Variants in NARS2 observed in about 807,000 individuals in gnomAD.
NARS2 encodes the protein asparaginyl-tRNA synthetase.
NARS2 carries 60 observed loss-of-function variants against 62.9 expected under a neutral mutation model. The observed-to-expected ratio is 0.95, with a 90% CI of 0.77 to 1.18. The LOEUF is 1.18. NARS2 is among the 50% of genes most tolerant of loss of function. NARS2 has a pLI of 0.00. For synonymous variants in NARS2, 196 were observed against 200.0 expected, an observed-to-expected ratio of 0.98 and a Z score of 0.17; for missense variants, 619 against 576.4, an observed-to-expected ratio of 1.07 and a Z score of -0.76.
At chr11:78,515,291 T>C (rs1359214858) in intron 6 of NARS2, among the ~76,000 whole-genome samples, 1 of 152,102 alleles carries the variant, frequency 6.6e-6, no homozygotes, top group Non-Finnish European at 1.5e-5. Flanking sequence ...CTCTAAAGCA[T>C]TGGTTCTCAG....
chr11:78,460,107 T>C (rs1208916216), intron 11 of NARS2, among the ~76,000 whole-genome samples: 2 of 151,988 alleles, frequency 1.3e-5, no homozygotes, highest in South Asian at 2.1e-4. Flanking sequence ...AGGGTGGTGA[T>C]AGGAGAGAAC....
At chr11:78,475,096 C>A (rs1172533167) in intron 9 of NARS2, among the ~76,000 whole-genome samples, 1 of 151,260 alleles carries the variant, frequency 6.6e-6, no homozygotes, top group East Asian at 1.9e-4. Context: ...TCACCGGCCA[C>A]TGGTAACTAC....
intron 6 of NARS2, among the ~76,000 whole-genome samples, chr11:78,507,305 C>T (rs1455040969): frequency 6.6e-6 from 1 of 152,006 alleles, no homozygotes; most frequent in Non-Finnish European, 1.5e-5. Context: ...AGTGATGGCA[C>T]CTGCCTAGGG....
At chr11:78,572,944 T>A (rs1026700233) in intron 1 of NARS2, among the ~76,000 whole-genome samples, 1 of 152,208 alleles carries the variant, frequency 6.6e-6, no homozygotes, top group Non-Finnish European at 1.5e-5. Flanking sequence ...GAGCCAAAAG[T>A]GGCTGGTAGC....
In NARS2 at chr11:78,571,357, C is replaced by A; in HGVS notation, c.229G>T (p.Ala77Ser). The change falls in exon 2 of 14, where the codon GCA becomes TCA. Residue 77 changes from alanine to serine, a missense_variant. Coordinates refer to ENST00000281038, the MANE Select transcript of NARS2 (RefSeq NM_024678.6). The part of the protein sequence containing the change: ...GSSLESLQVV[A>S]DSGLDSRELN... ...CACCTACTGTCAAGGCCTGAATCTG[C>A]AACAACCTGAAGGCTTTCCAAAGAT... The A allele has an allele frequency of 6.2e-7, 1 of 1,613,182 alleles. No homozygotes were observed. The highest frequency in any genetic ancestry group is 8.5e-7 in the Non-Finnish European group (1 of 1,179,458).
chr11:78,489,576 T>C (rs566736109), intron 7 of NARS2, among the ~76,000 whole-genome samples: 9 of 152,258 alleles, frequency 5.9e-5, no homozygotes, highest in South Asian at 4.1e-4. Context: ...ATAAGGAACA[T>C]AAGTAACCAT....
chr11:78,437,752 G>C lies in NARS2; in HGVS notation c.1290-938C>G, dbSNP rs372347927. 5.9e-5 allele frequency among the ~76,000 whole-genome samples: 9 copies of C among 151,988 alleles called. 1 individual carries two copies. The East Asian group carries it at 9.7e-4, about 16-fold the overall frequency. On this transcript the variant is annotated intron_variant, in intron 13 of 13. Coordinates refer to ENST00000281038, the MANE Select transcript of NARS2 (RefSeq NM_024678.6). The stretch of plus-strand genomic sequence containing the variant: ...AGCACTTTGGGAGGCCGAGGTGGGC[G>C]GATCACTAGCTCAGGAGTTCAAGGC...
Position 78,469,764 on chromosome 11 carries a change from C to G in NARS2, c.960-451G>C, listed in dbSNP as rs375101296. ...AATGTGCGTGCGCGCATGTGTGTGT[C>G]AGAGAGAGAGAGAGCGAGAGATGCA... is the stretch of plus-strand genomic sequence containing the variant. On this transcript the variant is annotated intron_variant, in intron 9 of 13. Coordinates refer to ENST00000281038, the MANE Select transcript of NARS2 (RefSeq NM_024678.6). Among the ~76,000 whole-genome samples, 89 of 146,496 alleles carry G rather than the reference C, an allele frequency of 6.1e-4. No homozygotes were observed. In the South Asian group the frequency reaches 0.02, roughly 33 times the overall value.
intron 11 of NARS2, among the ~76,000 whole-genome samples, chr11:78,461,602 T>TTAAAAAAA (rs1858397943): frequency 1.6e-5 from 1 of 64,086 alleles, no homozygotes; most frequent in African/African-American, 6.1e-5. Context: ...GCTGTGCTGG[T>TTAAAAAAA]AAAAAAAAAA....
At chr11:78,499,212 G>A (rs890636987) in intron 6 of NARS2, among the ~76,000 whole-genome samples, 14 of 151,918 alleles carry the variant, frequency 9.2e-5, no homozygotes, top group African/African-American at 2.9e-4. Context: ...CACCGCGCCC[G>A]GCCCATCCTC....
intron 6 of NARS2, among the ~76,000 whole-genome samples, chr11:78,511,907 A>G (rs2135389173): frequency 6.6e-6 from 1 of 152,342 alleles, no homozygotes; most frequent in East Asian, 1.9e-4. Flanking sequence ...TAACAGGAAT[A>G]ACTTACCAAT....
In NARS2 at chr11:78,563,883, C is replaced by CAATATTATTATT. The variant is rs1453360896; in HGVS notation, c.513+2248_513+2249insAATAATAATATT. Among the ~76,000 whole-genome samples the CAATATTATTATT allele has an allele frequency of 4.7e-3, 440 of 93,104 alleles. 14 individuals carry two copies. The highest frequency in any genetic ancestry group is 0.021 in the African/African-American group (417 of 19,646). 61.1% of individuals were successfully genotyped at this position (93,104 alleles called of 152,430 possible). A position where few individuals can be genotyped will look rare whatever the true frequency, so the allele number is the denominator to read the frequency against. ...ATATATATATATGTATACACACACA[C>CAATATTATTATT]AGTATTATTATTATTATTATTATTA... On this transcript the variant is annotated intron_variant, in intron 4 of 13. Coordinates refer to ENST00000281038, the MANE Select transcript of NARS2 (RefSeq NM_024678.6).
intron 6 of NARS2, among the ~76,000 whole-genome samples, chr11:78,526,880 C>T (rs1861314668): frequency 6.6e-6 from 1 of 152,052 alleles, no homozygotes; most frequent in Non-Finnish European, 1.5e-5. Flanking sequence ...TTATCCAAAC[C>T]TTGAATATAA....
intron 11 of NARS2, among the ~76,000 whole-genome samples, chr11:78,464,218 T>A (rs1467032326): frequency 6.6e-6 from 1 of 151,948 alleles, no homozygotes; most frequent in Non-Finnish European, 1.5e-5. Flanking sequence ...GTGGGCTCGC[T>A]GGCTTCAGGA....
At chr11:78,478,728 C>A (rs763920881) in intron 7 of NARS2, 45 bp from the exon 8 acceptor site, 10 of 1,258,706 alleles carry the variant, frequency 7.9e-6, no homozygotes, top group Non-Finnish European at 1.1e-5. Flanking sequence ...AGCAATTTTA[C>A]ATGAAAAACC....
intron 7 of NARS2, among the ~76,000 whole-genome samples, chr11:78,486,080 G>A (rs902990435): frequency 1.3e-5 from 2 of 152,110 alleles, no homozygotes; most frequent in African/African-American, 4.8e-5. Context: ...TCACCATGTT[G>A]GCCAGATTGG....
chr11:78,493,301 T>C, intron 6 of NARS2, 106 bp from the exon 7 acceptor site: 1 of 1,016,496 alleles, frequency 9.8e-7, no homozygotes, highest in South Asian at 1.4e-5. Flanking sequence ...TGTGCCTCTG[T>C]CTTGTCCACA....
Position 78,567,641 on chromosome 11 carries a change from C to A in NARS2, c.372+991G>T, listed in dbSNP as rs540154553. On this transcript the variant is annotated intron_variant, in intron 3 of 13. Transcript: ENST00000281038. ...ACTCTATTTCTCAGAAATCTTAGAACCTGATTTCTGATTTTACATCAATTA... is the reference window on the plus strand; with the variant it reads ...ACTCTATTTCTCAGAAATCTTAGAAACTGATTTCTGATTTTACATCAATTA... 2.0e-4 allele frequency among the ~76,000 whole-genome samples: 30 copies of A among 152,228 alleles called. No homozygotes were observed. In the South Asian group the frequency reaches 6.2e-3, roughly 32 times the overall value.
At chr11:78,550,753 A>G (rs1856070053) in intron 5 of NARS2, among the ~76,000 whole-genome samples, 2 of 152,236 alleles carry the variant, frequency 1.3e-5, no homozygotes, top group East Asian at 1.9e-4. Context: ...AAATTAAATC[A>G]TAAATTCATC....
Sources: allele counts gnomAD v4.1 joint callset (sites outside exome capture counted in the v4.1 genomes callset), GRCh38; gene constraint gnomAD v4.1.1; transcripts MANE v1.5; gene names NCBI Gene and HGNC (gene_info 2026-07-23, HGNC 2026-07-21).